The following TMC1 variants were observed in gnomAD, a reference collection of about 807,000 sequenced individuals.
TMC1 encodes the protein transmembrane channel-like protein 1.
In TMC1, 84 loss-of-function variants were observed where a neutral mutation model predicts 105.8. The ratio of observed to expected loss-of-function variants is 0.79; its 90% CI spans 0.67 to 0.95. The LOEUF (loss-of-function observed/expected upper bound fraction) is 0.95, where lower values mean the gene tolerates loss of function less well. Ranked by LOEUF, TMC1 falls within the 40% of genes least tolerant of loss-of-function variation. The probability of loss-of-function intolerance (pLI) is 0.00; values close to 1 mark genes in which losing one functional copy is unlikely to be tolerated. For missense variants in TMC1, 817 were observed against 914.1 expected (o/e 0.89, Z 1.37); for synonymous variants, 315 against 311.5 (o/e 1.01, Z -0.12).
intron 12 of TMC1, among the ~76,000 whole-genome samples, 158 bp downstream of exon 12, chr9:72,755,042 G>A (rs571568504): frequency 4.2e-4 from 56 of 132,232 alleles, no homozygotes; most frequent in African/African-American, 1.5e-3. Context: ...GAAAGAAAGA[G>A]AGAGAGAGAG....
chr9:72,774,999 T>C (rs1372149302), intron 13 of TMC1, among the ~76,000 whole-genome samples: 1 of 152,146 alleles, frequency 6.6e-6, no homozygotes, highest in Non-Finnish European at 1.5e-5. Context: ...TGCATACTCA[T>C]CCACAAAATG....
intron 3 of TMC1, among the ~76,000 whole-genome samples, chr9:72,623,067 CAAAAG>C (rs1825282519): frequency 1.4e-5 from 2 of 141,132 alleles, no homozygotes; most frequent in Admixed American, 7.1e-5. Flanking sequence ...AAAAAACAAA[CAAAAG>C]AAAAACAACA....
chr9:72,556,539 A>T (rs1823943698), intron 1 of TMC1, among the ~76,000 whole-genome samples: 1 of 150,918 alleles, frequency 6.6e-6, no homozygotes, highest in Admixed American at 6.6e-5. Context: ...TGGTTCTCAG[A>T]CGGACATAGT....
At chr9:72,620,860 C>T (rs772609512) in intron 3 of TMC1, among the ~76,000 whole-genome samples, 9 of 152,196 alleles carry the variant, frequency 5.9e-5, no homozygotes, top group Non-Finnish European at 8.8e-5. Context: ...GGAGATTCTT[C>T]ACCTAAATGT....
At position 72,790,079 on chromosome 9, in the gene TMC1, T is replaced by G. The variant is rs148310850; in HGVS notation, c.1224+762T>G. 2.4e-3 allele frequency among the ~76,000 whole-genome samples: 367 copies of G among 152,322 alleles called. 3 individuals are homozygous for G. Among genetic ancestry groups the G allele is most frequent in the African/African-American group, 8.3e-3 (344 of 41,584 alleles). ...CAGAAAATCATTGGTCATGAGTTGT[T>G]GCTAGAGTCTGTTCCCGTTCATAAA... is the stretch of plus-strand genomic sequence containing the variant. On this transcript the variant is annotated intron_variant, in intron 15 of 23. Transcript: ENST00000297784.
chr9:72,716,649 G>A lies in TMC1; in HGVS notation c.362+16006G>A, dbSNP rs567152894. ...GAGCATGCCAGATCGAGCTCAGATT[G>A]CTGTGCTGGCAGCGAGAATTTCAAG... is the stretch of plus-strand genomic sequence containing the variant. On this transcript the variant is annotated intron_variant, in intron 8 of 23. Transcript: ENST00000297784. Among the ~76,000 whole-genome samples, 3 of 152,266 alleles carry A rather than the reference G, an allele frequency of 2.0e-5. No homozygotes were observed. The East Asian group carries it at 5.8e-4, about 29-fold the overall frequency.
chr9:72,686,416 A>G (rs1480128314), intron 5 of TMC1, among the ~76,000 whole-genome samples: 3 of 152,204 alleles, frequency 2.0e-5, no homozygotes, highest in Non-Finnish European at 4.4e-5. Flanking sequence ...CTATCTCTTC[A>G]CACAGGTTTT....
At chr9:72,605,742 A>C (rs1824900856) in intron 2 of TMC1, among the ~76,000 whole-genome samples, 1 of 151,600 alleles carries the variant, frequency 6.6e-6, no homozygotes, top group Admixed American at 6.6e-5. Flanking sequence ...CGCCTGGCTA[A>C]TTTTTGTATT....
intron 5 of TMC1, among the ~76,000 whole-genome samples, chr9:72,686,173 A>G (rs897356633): frequency 5.9e-5 from 9 of 152,208 alleles, no homozygotes; most frequent in African/African-American, 2.2e-4. Context: ...TGCCTCCAAC[A>G]TTTTGACAGA....
intron 5 of TMC1, among the ~76,000 whole-genome samples, chr9:72,654,544 A>G (rs1825857123): frequency 6.6e-6 from 1 of 152,140 alleles, no homozygotes; most frequent in Non-Finnish European, 1.5e-5. Context: ...TCTTTAACTT[A>G]TCACAGTCTG....
At chr9:72,712,802 A>G (rs1376087118) in intron 8 of TMC1, among the ~76,000 whole-genome samples, 2 of 152,084 alleles carry the variant, frequency 1.3e-5, no homozygotes, top group Non-Finnish European at 1.5e-5. Context: ...TTCCAATACT[A>G]TGTTGAATAG....
At chr9:72,548,916 A>G (rs1256053828) in intron 1 of TMC1, among the ~76,000 whole-genome samples, 2 of 152,246 alleles carry the variant, frequency 1.3e-5, no homozygotes, top group Admixed American at 6.5e-5. Context: ...GGGTACACAC[A>G]TGCCCACGAG....
chr9:72,625,130 T>C (rs756361490), intron 3 of TMC1, among the ~76,000 whole-genome samples: 14 of 152,164 alleles, frequency 9.2e-5, no homozygotes, highest in Non-Finnish European at 2.1e-4. Flanking sequence ...ATCTGATGAA[T>C]AGAATGCAGG....
intron 13 of TMC1, among the ~76,000 whole-genome samples, chr9:72,777,327 A>C (rs746540671): frequency 1.3e-5 from 2 of 152,024 alleles, no homozygotes; most frequent in African/African-American, 2.4e-5. Context: ...TTCTTTGTCG[A>C]AGGAATTTCT....
chr9:72,611,320 A>C (rs1825020369), intron 2 of TMC1, among the ~76,000 whole-genome samples: 1 of 152,224 alleles, frequency 6.6e-6, no homozygotes, highest in South Asian at 2.1e-4. Context: ...TGCACTATAG[A>C]AGCCAAAGGA....
chr9:72,815,115 A>T (rs1828763554), intron 18 of TMC1, among the ~76,000 whole-genome samples: 1 of 152,062 alleles, frequency 6.6e-6, no homozygotes, highest in Non-Finnish European at 1.5e-5. Flanking sequence ...CCAGTTGGTC[A>T]GTCTCCTCTG....
At chr9:72,699,401 T>C (rs1405013170) in intron 7 of TMC1, among the ~76,000 whole-genome samples, 3 of 152,204 alleles carry the variant, frequency 2.0e-5, no homozygotes, top group Non-Finnish European at 4.4e-5. Context: ...TAAGTTACCT[T>C]TGAGAAATAG....
rs116651344 is a variant in TMC1 at position 72,702,709 on chromosome 9, A to G, written c.362+2066A>G. Reference sequence around the variant, plus strand: ...ACATTGGTACCAGTTTGGATAAACAATAAGATTTTGAGGATGCAACAGAAG... The same window carrying G: ...ACATTGGTACCAGTTTGGATAAACAGTAAGATTTTGAGGATGCAACAGAAG... On this transcript the variant is annotated intron_variant, in intron 8 of 23. Transcript: ENST00000297784. Among the ~76,000 whole-genome samples the G allele has an allele frequency of 2.4e-3, 362 of 152,248 alleles. 3 individuals carry two copies. Among genetic ancestry groups the G allele is most frequent in the African/African-American group, 8.3e-3 (344 of 41,548 alleles).
At chr9:72,719,821 T>C (rs556419705) in intron 8 of TMC1, among the ~76,000 whole-genome samples, 21 of 152,308 alleles carry the variant, frequency 1.4e-4, no homozygotes, top group African/African-American at 5.1e-4. Context: ...AGTATAGCAA[T>C]TTTTCATCTG....
Sources: gnomAD v4.1 joint callset for allele counts (sites outside exome capture counted in the v4.1 genomes callset) on GRCh38, gnomAD v4.1.1 for gene constraint, MANE v1.5 for transcripts, NCBI Gene and HGNC (gene_info 2026-07-23, HGNC 2026-07-21) for gene names.